Variants in PDGFD observed in about 807,000 individuals in gnomAD.
PDGFD encodes platelet derived growth factor D, also known as platelet-derived growth factor D.
PDGFD carries 30 observed loss-of-function variants against 44.7 expected under a neutral mutation model. The ratio of observed to expected loss-of-function variants is 0.67; its 90% CI spans 0.50 to 0.91. The LOEUF (loss-of-function observed/expected upper bound fraction) is 0.91. Ranked by LOEUF, PDGFD falls within the 40% of genes least tolerant of loss-of-function variation. The pLI is 0.00. For missense variants in PDGFD, 445 were observed against 457.8 expected (o/e 0.97, Z 0.25); for synonymous variants, 173 against 168.4 (o/e 1.03, Z -0.21).
At chr11:104,088,955 T>G (rs1311984608) in intron 1 of PDGFD, among the ~76,000 whole-genome samples, 1 of 151,672 alleles carries the variant, frequency 6.6e-6, no homozygotes, top group Non-Finnish European at 1.5e-5. Context: ...AAAAATCCAT[T>G]GAGAAGGAAA....
intron 1 of PDGFD, among the ~76,000 whole-genome samples, chr11:104,096,446 C>T (rs1053313470): frequency 2.6e-5 from 4 of 152,104 alleles, no homozygotes; most frequent in African/African-American, 2.4e-5. Context: ...TTGATTTCAT[C>T]CTAGAAGGAA....
intron 1 of PDGFD, among the ~76,000 whole-genome samples, chr11:104,012,694 AGTG>A: frequency 6.6e-6 from 1 of 152,320 alleles, no homozygotes; most frequent in Non-Finnish European, 1.5e-5. Context: ...CCTAAATCTT[AGTG>A]GTTTTAAAGT....
At chr11:103,948,995 C>CTTT (rs10606695) in intron 3 of PDGFD, among the ~76,000 whole-genome samples, 11 of 77,042 alleles carry the variant, frequency 1.4e-4, no homozygotes, top group South Asian at 5.0e-4. Flanking sequence ...ATTTTAGTCA[C>CTTT]TTTTTTTTTT....
At chr11:104,137,601 C>T (rs908054427) in intron 1 of PDGFD, among the ~76,000 whole-genome samples, 25 of 152,058 alleles carry the variant, frequency 1.6e-4, no homozygotes, top group African/African-American at 6.0e-4. Flanking sequence ...GTTGATAGAT[C>T]TCACTTTGCC....
chr11:103,926,872 T>C, intron 6 of PDGFD, 40 bp downstream of exon 6: 1 of 1,569,918 alleles, frequency 6.4e-7, no homozygotes, highest in Non-Finnish European at 8.7e-7. Flanking sequence ...CTGAATCCTA[T>C]AGATTAAGCA....
chr11:104,015,443 A>G (rs1054765187), intron 1 of PDGFD, among the ~76,000 whole-genome samples: 12 of 152,366 alleles, frequency 7.9e-5, no homozygotes, highest in African/African-American at 2.9e-4. Context: ...GGCAAGAAGA[A>G]CTACAGGTCA....
intron 1 of PDGFD, among the ~76,000 whole-genome samples, chr11:104,064,796 G>T (rs904186739): frequency 6.6e-6 from 1 of 151,266 alleles, no homozygotes; most frequent in African/African-American, 2.4e-5. Flanking sequence ...TTCTAACTGA[G>T]GCAATATATA....
rs1859555650 is a variant in PDGFD at position 103,997,749 on chromosome 11, A to G, written c.330-1504T>C. On this transcript the variant is annotated intron_variant, in intron 2 of 6. Transcript: ENST00000393158. Reference sequence around the variant, plus strand: ...TATTTACTGCACAAAGCATGACTATAATTGAAACTTTTAATAACACCATAG... The same window carrying G: ...TATTTACTGCACAAAGCATGACTATGATTGAAACTTTTAATAACACCATAG... Among the ~76,000 whole-genome samples, 6 of 152,320 alleles carry G rather than the reference A, an allele frequency of 3.9e-5. 1 individual carries two copies. In the South Asian group the frequency reaches 1.2e-3, roughly 32 times the overall value.
Position 104,086,669 on chromosome 11 carries a change from G to A in PDGFD, c.124+77135C>T, listed in dbSNP as rs112298895. Among the ~76,000 whole-genome samples, 23 of 152,204 alleles carry A rather than the reference G, an allele frequency of 1.5e-4. No homozygotes were observed. In the South Asian group the frequency reaches 2.1e-3, roughly 14 times the overall value. ...CAAAGGATATTAACTTTAGATAAAC[G>A]TATCACCCAAACATTGTCACAATAC... On this transcript the variant is annotated intron_variant, in intron 1 of 6. Transcript: ENST00000393158.
Position 104,133,908 on chromosome 11 carries a change from T to G in PDGFD, c.124+29896A>C, listed in dbSNP as rs186200936. 4.2e-3 allele frequency among the ~76,000 whole-genome samples: 637 copies of G among 152,142 alleles called. 6 individuals are homozygous for G. The highest frequency in any genetic ancestry group is 0.015 in the African/African-American group (604 of 41,500). On this transcript the variant is annotated intron_variant, in intron 1 of 6. Transcript: ENST00000393158. ...ATCATTTACCAGGGACATGATATGGTAAAAAAGAAGATACCTAGCAGCCAA... is the reference window on the plus strand; with the variant it reads ...ATCATTTACCAGGGACATGATATGGGAAAAAAGAAGATACCTAGCAGCCAA...
rs260806 is a variant in PDGFD at position 104,036,802 on chromosome 11, C to T, written c.125-36547G>A. The T allele has an allele frequency of 2.3e-3, 3,601 of 1,599,454 alleles. 71 individuals carry two copies. In the African/African-American group the frequency reaches 0.043, roughly 19 times the overall value. On this transcript the variant is annotated intron_variant, in intron 1 of 6. Transcript: ENST00000393158. The stretch of plus-strand genomic sequence containing the variant: ...GAGCCGCCCATGCCCTCTGCTAGCC[C>T]GGCCCGCCCGGGCCCCCGCCATGCT...
chr11:104,152,376 T>A (rs1375715260), intron 1 of PDGFD, among the ~76,000 whole-genome samples: 1 of 152,148 alleles, frequency 6.6e-6, no homozygotes, highest in Non-Finnish European at 1.5e-5. Context: ...TCCTGTTCAG[T>A]AGCAATTCTT....
Position 104,082,133 on chromosome 11 carries a change from C to CATAT in PDGFD, c.124+81670_124+81671insATAT, listed in dbSNP as rs981551524. ...ATTTTTGTTGATGTCCATATACATACATACATATATATATATGAAAAACAA... is the reference window on the plus strand; with the variant it reads ...ATTTTTGTTGATGTCCATATACATACATATATACATATATATATATGAAAAACAA... On this transcript the variant is annotated intron_variant, in intron 1 of 6. Transcript: ENST00000393158. Among the ~76,000 whole-genome samples the CATAT allele has an allele frequency of 8.5e-5, 10 of 117,578 alleles. 1 individual carries two copies. The highest frequency in any genetic ancestry group is 2.7e-4 in the South Asian group (1 of 3,702). 77.1% of individuals were successfully genotyped at this position (117,578 alleles called of 152,430 possible).
At chr11:103,989,803 T>C (rs1859424026) in intron 3 of PDGFD, among the ~76,000 whole-genome samples, 1 of 152,170 alleles carries the variant, frequency 6.6e-6, no homozygotes, top group Admixed American at 6.5e-5. Context: ...TGTGTTTCAA[T>C]GCATTTTTGA....
intron 1 of PDGFD, among the ~76,000 whole-genome samples, chr11:104,073,878 T>C (rs1460433314): frequency 6.6e-6 from 1 of 152,228 alleles, no homozygotes; most frequent in Non-Finnish European, 1.5e-5. Context: ...CGAGTTATTT[T>C]TAATTGACAT....
chr11:103,995,067 G>A (rs981907669), intron 3 of PDGFD, among the ~76,000 whole-genome samples: 2 of 151,948 alleles, frequency 1.3e-5, no homozygotes, highest in Non-Finnish European at 2.9e-5. Flanking sequence ...TTTTTGTAGA[G>A]ATAGGGTCTT....
intron 1 of PDGFD, among the ~76,000 whole-genome samples, chr11:104,014,008 A>G (rs1348951960): frequency 6.6e-6 from 1 of 152,142 alleles, no homozygotes; most frequent in African/African-American, 2.4e-5. Context: ...GGATAGTGAC[A>G]GTAACCTCCA....
chr11:103,982,050 A>T (rs974613217), intron 3 of PDGFD, among the ~76,000 whole-genome samples: 1 of 151,606 alleles, frequency 6.6e-6, no homozygotes. Context: ...CTAACATTTG[A>T]CCCTTACAAT....
At chr11:104,154,000 G>A (rs1209700131) in intron 1 of PDGFD, among the ~76,000 whole-genome samples, 1 of 151,898 alleles carries the variant, frequency 6.6e-6, no homozygotes, top group Non-Finnish European at 1.5e-5. Flanking sequence ...ATAAACAAAG[G>A]GTATCCAACA....
Sources: allele counts gnomAD v4.1 joint callset (sites outside exome capture counted in the v4.1 genomes callset), GRCh38; gene constraint gnomAD v4.1.1; transcripts MANE v1.5; gene names NCBI Gene and HGNC (gene_info 2026-07-23, HGNC 2026-07-21).